Variants in PCDH11X observed in about 807,000 individuals in gnomAD.
PCDH11X encodes the protein protocadherin-11 X-linked.
Under a neutral mutation model 53.3 loss-of-function variants are expected in PCDH11X, and 18 were observed. That is an observed-to-expected ratio of 0.34 (90% CI 0.23 to 0.50). The LOEUF is 0.50. Ranked by LOEUF, PCDH11X falls within the 20% of genes least tolerant of loss-of-function variation. The pLI is 0.98. For missense variants in PCDH11X, 570 were observed against 1,032.4 expected, an observed-to-expected ratio of 0.55 and a Z score of 6.14; for synonymous variants, 279 against 393.3, an observed-to-expected ratio of 0.71 and a Z score of 3.44.
chrX:92,438,205 C>T (rs1263556685), intron 9 of PCDH11X, among the ~76,000 whole-genome samples: 3 of 111,687 alleles, frequency 2.7e-5, no homozygotes, highest in Non-Finnish European at 3.8e-5. Flanking sequence ...CCAGACAACA[C>T]GTATCCTGAA....
chrX:92,346,373 T>G (rs1437913196), intron 8 of PCDH11X, among the ~76,000 whole-genome samples: 1 of 111,240 alleles, frequency 9.0e-6, no homozygotes, highest in Non-Finnish European at 1.9e-5. Context: ...CATCTCAAGA[T>G]GTATAATCCC....
At chrX:92,465,749 T>G (rs2073145018) in intron 9 of PCDH11X, among the ~76,000 whole-genome samples, 1 of 111,460 alleles carries the variant, frequency 9.0e-6, no homozygotes, top group Non-Finnish European at 1.9e-5. Context: ...TTGGTATTGT[T>G]CTCATGATAA....
chrX:92,547,600 T>C (rs1377761144), intron 10 of PCDH11X, among the ~76,000 whole-genome samples: 1 of 111,312 alleles, frequency 9.0e-6, no homozygotes, highest in Non-Finnish European at 1.9e-5. Flanking sequence ...TAACTTTTCT[T>C]ATACCATTAT....
At chrX:92,550,774 T>G (rs1222876524) in intron 10 of PCDH11X, among the ~76,000 whole-genome samples, 1 of 110,240 alleles carries the variant, frequency 9.1e-6, no homozygotes, top group Non-Finnish European at 1.9e-5. Context: ...TCCTTTTACT[T>G]TCTATTTCCA....
intron 6 of PCDH11X, among the ~76,000 whole-genome samples, chrX:92,102,114 T>C (rs1028610556): frequency 9.0e-6 from 1 of 110,827 alleles, no homozygotes; most frequent in African/African-American, 3.3e-5. Flanking sequence ...TCAGGAATAA[T>C]GTGGGAGGCC....
intron 6 of PCDH11X, among the ~76,000 whole-genome samples, chrX:92,132,576 C>T (rs1037212936): frequency 1.0e-5 from 1 of 100,237 alleles, no homozygotes; most frequent in African/African-American, 3.6e-5. Context: ...CCACTGCACT[C>T]CAGCCTGGGC....
At chrX:91,888,531 T>C (rs1396871048) in intron 6 of PCDH11X, among the ~76,000 whole-genome samples, 1 of 109,540 alleles carries the variant, frequency 9.1e-6, no homozygotes. Context: ...GGTGCATATC[T>C]GTGGTCTCAG....
intron 6 of PCDH11X, among the ~76,000 whole-genome samples, chrX:92,173,176 G>A (rs1484242473): frequency 9.0e-6 from 1 of 111,609 alleles, no homozygotes; most frequent in Non-Finnish European, 1.9e-5. Context: ...GCAATACAGA[G>A]TATGCCTTTT....
At chrX:91,926,582 A>C (rs1254827214) in intron 6 of PCDH11X, among the ~76,000 whole-genome samples, 1 of 111,226 alleles carries the variant, frequency 9.0e-6, no homozygotes, top group African/African-American at 3.3e-5. Flanking sequence ...ATTGATTGAA[A>C]CTAAGTAAAT....
At chrX:92,560,899 G>A (rs758958213) in intron 10 of PCDH11X, among the ~76,000 whole-genome samples, 18 of 108,967 alleles carry the variant, frequency 1.7e-4, no homozygotes, top group Admixed American at 1.1e-3. Flanking sequence ...ACCCAGTGCT[G>A]TGCTGGCTTC....
chrX:92,194,846 C>A (rs2066266906), intron 6 of PCDH11X, among the ~76,000 whole-genome samples: 1 of 111,129 alleles, frequency 9.0e-6, no homozygotes, highest in African/African-American at 3.3e-5. Flanking sequence ...AATATTTCAA[C>A]ATGTCCAGAT....
chrX:92,507,638 G>A (rs2074088074), intron 10 of PCDH11X, among the ~76,000 whole-genome samples: 1 of 111,343 alleles, frequency 9.0e-6, no homozygotes, highest in African/African-American at 3.3e-5. Flanking sequence ...CTAAATATGT[G>A]ATTGATACTG....
intron 6 of PCDH11X, among the ~76,000 whole-genome samples, chrX:92,029,343 C>T (rs1432710886): frequency 9.0e-6 from 1 of 111,651 alleles, no homozygotes; most frequent in African/African-American, 3.3e-5. Flanking sequence ...TCTCCCATTA[C>T]TGTTAACTGT....
At chrX:92,604,572 A>G (rs941098099) in intron 10 of PCDH11X, among the ~76,000 whole-genome samples, 1 of 111,900 alleles carries the variant, frequency 8.9e-6, no homozygotes, top group African/African-American at 3.2e-5. Context: ...TGAAACACAT[A>G]GAAAATAAAA....
rs745993345 is a variant in PCDH11X, at chrX:92,465,285, C to CA, written c.3344-3013dup. Among the ~76,000 whole-genome samples the CA allele has an allele frequency of 4.6e-3, 513 of 111,727 alleles. 1 individual carries two copies. Among genetic ancestry groups the CA allele is most frequent in the African/African-American group, 0.015 (448 of 30,800 alleles). On this transcript the variant is annotated intron_variant, in intron 9 of 10. Coordinates refer to ENST00000682573, the MANE Select transcript of PCDH11X (RefSeq NM_032968.5). ...CACTGAATTAAGGAGGAGATATATG[C>CA]ATATGCATAGTGATACTTACATGCA...
intron 6 of PCDH11X, among the ~76,000 whole-genome samples, chrX:92,041,934 A>G (rs1269974897): frequency 8.9e-6 from 1 of 112,259 alleles, no homozygotes; most frequent in Non-Finnish European, 1.9e-5. Flanking sequence ...ACACCACTGC[A>G]CTCTAGCCTG....
At chrX:92,247,547 C>T (rs1246846260) in intron 7 of PCDH11X, among the ~76,000 whole-genome samples, 1 of 111,355 alleles carries the variant, frequency 9.0e-6, no homozygotes, top group African/African-American at 3.3e-5. Flanking sequence ...AGTCTGAAAT[C>T]AGGTGTTCTC....
intron 6 of PCDH11X, among the ~76,000 whole-genome samples, chrX:92,062,991 G>T (rs1369115389): frequency 9.0e-6 from 1 of 111,093 alleles, no homozygotes; most frequent in Non-Finnish European, 1.9e-5. Flanking sequence ...GCACATATAC[G>T]CCATGGAATA....
At chrX:92,563,058 T>G (rs1462681070) in intron 10 of PCDH11X, among the ~76,000 whole-genome samples, 26 of 25,748 alleles carry the variant, frequency 1.0e-3, no homozygotes, top group African/African-American at 1.8e-3. Context: ...TTTTTTTTTT[T>G]TTTTTTTTTT....
Sources: allele counts gnomAD v4.1 joint callset (sites outside exome capture counted in the v4.1 genomes callset), GRCh38; gene constraint gnomAD v4.1.1; transcripts MANE v1.5; gene names NCBI Gene and HGNC (gene_info 2026-07-23, HGNC 2026-07-21).